CPEB1: variants seen among roughly 807,000 people sequenced by gnomAD.
CPEB1 encodes the protein cytoplasmic polyadenylation element binding protein 1.
A neutral mutation model predicts 65.8 loss-of-function variants in CPEB1; 7 were observed. That is an observed-to-expected ratio of 0.11 (90% CI 0.06 to 0.20). The LOEUF is 0.20. Among genes scored for constraint, CPEB1 ranks in the 10% least tolerant of loss-of-function variants. CPEB1 has a pLI of 1.00. For synonymous variants in CPEB1, 262 were observed against 260.0 expected, an observed-to-expected ratio of 1.01 and a Z score of -0.08; for missense variants, 551 against 712.2, an observed-to-expected ratio of 0.77 and a Z score of 2.58.
In CPEB1 at chr15:82,557,820, G is replaced by A. The variant is rs201629062; in HGVS notation, c.627C>T (p.Ser209=). 3.3e-4 allele frequency: 533 copies of A among 1,614,168 alleles called. No homozygotes were observed. The highest frequency in any genetic ancestry group is 3.1e-4 in the Non-Finnish European group (371 of 1,180,032). The stretch of plus-strand genomic sequence containing the variant: ...AGCCACTGGTGTCTGAGTCAGAGGG[G>A]CTGCTAGATCGAGAGTCCAGGATGG... ...TRPILDSRSS[S]PSDSDTSGFS... The change falls in exon 5 of 13, where the codon AGC becomes AGT. Residue 209 remains serine (S), a synonymous_variant. Coordinates refer to ENST00000684509, the MANE Select transcript of CPEB1 (RefSeq NM_001365242.1).
chr15:82,625,570 C>T (rs78472060), intron 3 of CPEB1, among the ~76,000 whole-genome samples: 1,620 of 152,298 alleles, frequency 0.011, 28 homozygotes, highest in African/African-American at 0.036. Flanking sequence ...ATACTCAAGT[C>T]TTGCAGTTGG....
chr15:82,554,944 T>G (rs2036933708), intron 6 of CPEB1, among the ~76,000 whole-genome samples: 1 of 152,192 alleles, frequency 6.6e-6, no homozygotes, highest in Non-Finnish European at 1.5e-5. Flanking sequence ...AAAGATGGGT[T>G]GCCAAAATCA....
At chr15:82,633,965 A>G (rs997031692) in intron 1 of CPEB1, among the ~76,000 whole-genome samples, 1 of 97,810 alleles carries the variant, frequency 1.0e-5, no homozygotes, top group Non-Finnish European at 2.5e-5. Flanking sequence ...CTAAAGGTAT[A>G]AAAAAAAAAA....
In CPEB1 at chr15:82,544,488, C is replaced by T. The variant is rs2034817752; in HGVS notation, c.*104G>A. On this transcript the variant is annotated 3_prime_UTR_variant, in exon 13 of 13. Coordinates refer to ENST00000684509, the MANE Select transcript of CPEB1 (RefSeq NM_001365242.1). ...AAAGGTGACTACAATTTTCCCTTGTCCTTGGGAAGCCAGCTCCCTGGTCGC... is the reference window on the plus strand; with the variant it reads ...AAAGGTGACTACAATTTTCCCTTGTTCTTGGGAAGCCAGCTCCCTGGTCGC... 3 of 750,730 alleles carry T rather than the reference C, an allele frequency of 4.0e-6. No individual in the cohort carries two copies. Among genetic ancestry groups the T allele is most frequent in the Non-Finnish European group, 4.5e-6 (2 of 445,538 alleles). The allele number at this position is 750,730 out of a possible 1,614,324, so 46.5% of individuals were successfully genotyped here.
chr15:82,573,883 C>T (rs549427581), intron 3 of CPEB1, among the ~76,000 whole-genome samples: 2 of 152,276 alleles, frequency 1.3e-5, no homozygotes, highest in Middle Eastern at 3.4e-3. Flanking sequence ...GGGAAGATTG[C>T]TTGAGCCCAG....
intron 3 of CPEB1, among the ~76,000 whole-genome samples, chr15:82,619,229 G>C (rs528180909): frequency 1.3e-4 from 20 of 152,338 alleles, no homozygotes; most frequent in African/African-American, 4.8e-4. Context: ...AAATGATGCT[G>C]AGTCAACTGG....
At chr15:82,592,445 C>A (rs564262463) in intron 3 of CPEB1, among the ~76,000 whole-genome samples, 1 of 151,434 alleles carries the variant, frequency 6.6e-6, no homozygotes, top group Non-Finnish European at 1.5e-5. Flanking sequence ...GGGACTGGTA[C>A]GGCATGCCTG....
At chr15:82,582,908 AT>A (rs2041432539) in intron 3 of CPEB1, among the ~76,000 whole-genome samples, 1 of 151,534 alleles carries the variant, frequency 6.6e-6, no homozygotes, top group East Asian at 1.9e-4. Context: ...ACGACAGCTA[AT>A]TTTTTGTATT....
At chr15:82,605,368 C>A (rs2043473480) in intron 3 of CPEB1, among the ~76,000 whole-genome samples, 2 of 151,776 alleles carry the variant, frequency 1.3e-5, no homozygotes, top group Admixed American at 1.3e-4. Context: ...TTTCTCCTAT[C>A]AGATTTAAAA....
intron 6 of CPEB1, among the ~76,000 whole-genome samples, chr15:82,555,376 G>T (rs2037015730): frequency 6.6e-6 from 1 of 152,170 alleles, no homozygotes; most frequent in African/African-American, 2.4e-5. Flanking sequence ...TCACTTTAGA[G>T]GTTGACAAAT....
chr15:82,643,465 G>A (rs1050992167), intron 1 of CPEB1, among the ~76,000 whole-genome samples: 3 of 151,860 alleles, frequency 2.0e-5, no homozygotes, highest in African/African-American at 7.3e-5. Context: ...CCCCATCTTA[G>A]TAAAAATACA....
At chr15:82,579,829 G>C (rs1038018410) in intron 3 of CPEB1, among the ~76,000 whole-genome samples, 1 of 145,030 alleles carries the variant, frequency 6.9e-6, no homozygotes, top group South Asian at 2.2e-4. Context: ...GGAGAATGGC[G>C]TGAACCCGGG....
chr15:82,590,451 G>C (rs2042156172), intron 3 of CPEB1, among the ~76,000 whole-genome samples: 1 of 152,048 alleles, frequency 6.6e-6, no homozygotes, highest in Admixed American at 6.6e-5. Context: ...GACAAGATCA[G>C]GCACACTCAG....
At chr15:82,572,732 G>C (rs1281620581) in intron 3 of CPEB1, among the ~76,000 whole-genome samples, 2 of 152,134 alleles carry the variant, frequency 1.3e-5, no homozygotes, top group African/African-American at 4.8e-5. Context: ...CCTTCCAGGA[G>C]CCCTGAGCAT....
chr15:82,643,339 C>G (rs2047248988), intron 1 of CPEB1, among the ~76,000 whole-genome samples: 1 of 152,034 alleles, frequency 6.6e-6, no homozygotes, highest in African/African-American at 2.4e-5. Context: ...CCTTTAAATC[C>G]TTGGGAATGA....
intron 4 of CPEB1, among the ~76,000 whole-genome samples, chr15:82,558,443 C>T (rs1282678052): frequency 6.6e-6 from 1 of 152,226 alleles, no homozygotes; most frequent in Non-Finnish European, 1.5e-5. Flanking sequence ...AGGCCACACC[C>T]CAGAAATCTG....
At chr15:82,547,036 A>T in intron 11 of CPEB1, 107 bp downstream of exon 11, 1 of 759,316 alleles carries the variant, frequency 1.3e-6, no homozygotes, top group Non-Finnish European at 2.2e-6. Context: ...TCACTTCCCT[A>T]AACACACCCA....
chr15:82,568,777 C>T (rs531726515), intron 4 of CPEB1, among the ~76,000 whole-genome samples: 3 of 152,128 alleles, frequency 2.0e-5, no homozygotes, highest in South Asian at 2.1e-4. Flanking sequence ...TTGATAGCCA[C>T]GGAGATTCTT....
chr15:82,609,181 A>C (rs1417188763), intron 3 of CPEB1, among the ~76,000 whole-genome samples: 1 of 152,216 alleles, frequency 6.6e-6, no homozygotes, highest in African/African-American at 2.4e-5. Context: ...AATGAAAATA[A>C]TACTTGGAAA....
Sources: gnomAD v4.1 joint callset for allele counts (sites outside exome capture counted in the v4.1 genomes callset) on GRCh38, gnomAD v4.1.1 for gene constraint, MANE v1.5 for transcripts, NCBI Gene and HGNC (gene_info 2026-07-23, HGNC 2026-07-21) for gene names.